Variants in BABAM2 observed in about 807,000 individuals in gnomAD.
BABAM2 encodes BRISC and BRCA1 A complex member 2, also known as BRISC and BRCA1-A complex member 2.
In BABAM2, 31 loss-of-function variants were observed where a neutral mutation model predicts 54.7. The observed-to-expected ratio is 0.57, with a 90% CI of 0.43 to 0.77. The LOEUF (loss-of-function observed/expected upper bound fraction) is 0.77. Among genes scored for constraint, BABAM2 ranks in the 30% least tolerant of loss-of-function variants. BABAM2 has a pLI of 0.00. For missense variants in BABAM2, 364 were observed against 455.8 expected, an observed-to-expected ratio of 0.80 and a Z score of 1.83; for synonymous variants, 167 against 162.9, an observed-to-expected ratio of 1.03 and a Z score of -0.19.
intron 6 of BABAM2, among the ~76,000 whole-genome samples, chr2:28,088,482 G>A (rs112454566): frequency 1.8e-4 from 28 of 152,308 alleles, no homozygotes; most frequent in African/African-American, 6.5e-4. Context: ...AGCTACAGGT[G>A]TGGACGAAGA....
chr2:28,275,904 C>T (rs1685835821), intron 10 of BABAM2, among the ~76,000 whole-genome samples: 1 of 151,744 alleles, frequency 6.6e-6, no homozygotes, highest in Non-Finnish European at 1.5e-5. Context: ...CCTCCAGCCC[C>T]ATCACAACCC....
At chr2:27,987,536 C>A (rs192953826) in intron 3 of BABAM2, among the ~76,000 whole-genome samples, 106 of 152,074 alleles carry the variant, frequency 7.0e-4, no homozygotes, top group Non-Finnish European at 5.9e-4. Flanking sequence ...GATAGCAGGC[C>A]TGGGATAGTG....
At chr2:27,974,254 C>A (rs1671428017) in intron 3 of BABAM2, among the ~76,000 whole-genome samples, 1 of 152,008 alleles carries the variant, frequency 6.6e-6, no homozygotes, top group African/African-American at 2.4e-5. Flanking sequence ...AACAAACAAA[C>A]AAACTATAGG....
intron 7 of BABAM2, among the ~76,000 whole-genome samples, chr2:28,140,768 A>G (rs1670975008): frequency 6.6e-6 from 1 of 152,178 alleles, no homozygotes; most frequent in Non-Finnish European, 1.5e-5. Flanking sequence ...ACGTGTGTAT[A>G]AAAGATATAT....
At chr2:28,223,887 T>C (rs984913269) in intron 7 of BABAM2, among the ~76,000 whole-genome samples, 1 of 152,138 alleles carries the variant, frequency 6.6e-6, no homozygotes, top group Non-Finnish European at 1.5e-5. Flanking sequence ...GATTCCAATA[T>C]GCTATGCTAG....
At chr2:28,270,851 A>T (rs372394268) in intron 10 of BABAM2, among the ~76,000 whole-genome samples, 3 of 152,194 alleles carry the variant, frequency 2.0e-5, no homozygotes, top group Non-Finnish European at 2.9e-5. Flanking sequence ...CCAGTTCTCA[A>T]ATGTCCAAAT....
chr2:27,996,852 T>C (rs984722319), intron 4 of BABAM2, among the ~76,000 whole-genome samples: 8 of 152,216 alleles, frequency 5.3e-5, no homozygotes, highest in African/African-American at 1.7e-4. Flanking sequence ...ATTTCTTCCA[T>C]AGATAGCAAA....
chr2:28,176,324 C>CT (rs1674937921), intron 7 of BABAM2, among the ~76,000 whole-genome samples: 1 of 152,014 alleles, frequency 6.6e-6, no homozygotes, highest in African/African-American at 2.4e-5. Context: ...AATCCCAGCA[C>CT]TTTGGGAGGG....
intron 6 of BABAM2, among the ~76,000 whole-genome samples, chr2:28,126,403 T>G (rs1669539726): frequency 6.7e-6 from 1 of 149,268 alleles, no homozygotes; most frequent in East Asian, 2.0e-4. Context: ...GTTTGGTTTT[T>G]TGTCCTTGCG....
chr2:27,955,262 A>G (rs1036206230), intron 3 of BABAM2, among the ~76,000 whole-genome samples: 3 of 152,186 alleles, frequency 2.0e-5, no homozygotes, highest in Non-Finnish European at 4.4e-5. Flanking sequence ...GTCATCCATC[A>G]TAACTGCTCT....
intron 6 of BABAM2, among the ~76,000 whole-genome samples, chr2:28,067,055 C>T (rs1449255005): frequency 6.6e-6 from 1 of 152,214 alleles, no homozygotes; most frequent in Non-Finnish European, 1.5e-5. Context: ...CCTCAGCCTC[C>T]TGAATAGCTG....
intron 10 of BABAM2, among the ~76,000 whole-genome samples, chr2:28,263,335 C>G (rs1684702408): frequency 6.6e-6 from 1 of 152,156 alleles, no homozygotes; most frequent in Non-Finnish European, 1.5e-5. Context: ...CTTATTATCC[C>G]CATTTTACAA....
Position 28,244,798 on chromosome 2 carries a change from T to A in BABAM2, c.870T>A (p.Asp290Glu). ...SHFGTGVVEY[D>E]AEGFTKLTLL... ...TACTTAGAGGTGTCGTGGAATATGA[T>A]GCAGAAGGCTTTACAAAACTCACTC... Residue 290 changes from aspartate to glutamate, a missense_variant, in exon 10 of 12, where the codon GAT (aspartate) becomes GAA (glutamate). Transcript: ENST00000379624. 1.2e-6 allele frequency: 2 copies of A among 1,614,054 alleles called. No homozygotes were observed. The highest frequency in any genetic ancestry group is 2.2e-5 in the East Asian group (1 of 44,866).
chr2:27,958,291 A>C (rs1194619818), intron 3 of BABAM2, among the ~76,000 whole-genome samples: 1 of 152,074 alleles, frequency 6.6e-6, no homozygotes, highest in Non-Finnish European at 1.5e-5. Flanking sequence ...AGGGTGGAAG[A>C]GATGGGGAGA....
At chr2:28,116,856 GA>G (rs1320097144) in intron 6 of BABAM2, among the ~76,000 whole-genome samples, 3 of 151,660 alleles carry the variant, frequency 2.0e-5, no homozygotes, top group Non-Finnish European at 2.9e-5. Context: ...ATGTCATATG[GA>G]AAAAAAATGA....
At chr2:28,271,483 A>G (rs1573972915) in intron 10 of BABAM2, among the ~76,000 whole-genome samples, 2 of 152,340 alleles carry the variant, frequency 1.3e-5, no homozygotes, top group Non-Finnish European at 2.9e-5. Flanking sequence ...CAGTCTTCAA[A>G]TAATTTCTAG....
intron 3 of BABAM2, among the ~76,000 whole-genome samples, chr2:27,983,529 T>C (rs1360093221): frequency 2.0e-5 from 3 of 152,170 alleles, no homozygotes; most frequent in Non-Finnish European, 2.9e-5. Flanking sequence ...TTGCATGGGA[T>C]CTACAGATCA....
intron 7 of BABAM2, among the ~76,000 whole-genome samples, chr2:28,187,057 G>A (rs985655027): frequency 2.0e-5 from 3 of 152,196 alleles, no homozygotes; most frequent in Admixed American, 6.5e-5. Flanking sequence ...TGTCCACCTC[G>A]GCCTCCCAAA....
chr2:28,192,629 C>G (rs1356984293), intron 7 of BABAM2, among the ~76,000 whole-genome samples: 1 of 147,666 alleles, frequency 6.8e-6, no homozygotes, highest in Admixed American at 6.9e-5. Flanking sequence ...TCAAGTGATT[C>G]TCCTGCCTCA....
Sources: gnomAD v4.1 joint callset for allele counts (sites outside exome capture counted in the v4.1 genomes callset) on GRCh38, gnomAD v4.1.1 for gene constraint, MANE v1.5 for transcripts, NCBI Gene and HGNC (gene_info 2026-07-23, HGNC 2026-07-21) for gene names.